The following GCLC variants were observed in gnomAD, a reference collection of about 807,000 sequenced individuals.
GCLC encodes the protein glutamate--cysteine ligase catalytic subunit.
A neutral mutation model predicts 81.5 loss-of-function variants in GCLC; 30 were observed. The ratio of observed to expected loss-of-function variants is 0.37; its 90% confidence interval spans 0.28 to 0.50. GCLC has a LOEUF of 0.50. Among genes scored for constraint, GCLC ranks in the 20% least tolerant of loss-of-function variants. The probability of loss-of-function intolerance (pLI) is 0.96; values close to 1 mark genes in which losing one functional copy is unlikely to be tolerated. For synonymous variants in GCLC, 262 were observed against 273.3 expected (o/e 0.96, Z 0.41); for missense variants, 556 against 777.4 (o/e 0.72, Z 3.39).
intron 12 of GCLC, chr6:53,505,187 C>G: frequency 1.9e-6 from 1 of 540,340 alleles, no homozygotes; most frequent in Non-Finnish European, 3.3e-6. Context: ...AGGACTACTT[C>G]TAGCCATCAA....
chr6:53,542,791 G>C (rs1326989469), intron 1 of GCLC, among the ~76,000 whole-genome samples: 1 of 57,282 alleles, frequency 1.7e-5, no homozygotes, highest in African/African-American at 9.4e-5. Context: ...CGAGGCGGGT[G>C]AAAAGTCAGG....
At position 53,506,266 on chromosome 6, in the gene GCLC, A is replaced by G. The variant is rs949046919; in HGVS notation, c.1198-371T>C. ...GACACTTTCATCTGAGAACCCTGTC[A>G]CATGACAGTTGTTTCCTTTCTTCCT... On this transcript the variant is annotated intron_variant, in intron 10 of 15. Coordinates refer to ENST00000650454, the MANE Select transcript of GCLC (RefSeq NM_001498.4). This position sits in a 1 kb window ranked among gnomAD's most constrained non-coding sequence, Gnocchi z 4.0. 1 of 315,564 alleles carries G rather than the reference A, an allele frequency of 3.2e-6. No homozygotes were observed. The highest frequency in any genetic ancestry group is 6.1e-6 in the Non-Finnish European group (1 of 164,340). 19.5% of individuals were successfully genotyped at this position (315,564 alleles called of 1,614,324 possible).
chr6:53,544,744 G>C lies in GCLC; in HGVS notation c.-99C>G. On this transcript the variant is annotated 5_prime_UTR_variant, in exon 1 of 16. Transcript: ENST00000650454. ...CAGCCGCCCGCAGAAGGCGGCTGCC[G>C]CTCCACCCCGCGGGGGCGCTCTCGG... 8.3e-7 allele frequency: 1 copy of C among 1,206,820 alleles called. No homozygotes were observed. Among genetic ancestry groups the C allele is most frequent in the Non-Finnish European group, 1.1e-6 (1 of 887,088 alleles). The allele number at this position is 1,206,820 out of a possible 1,614,324, so 74.8% of individuals were successfully genotyped here.
chr6:53,533,004 C>T (rs1293244826), intron 1 of GCLC, among the ~76,000 whole-genome samples: 1 of 152,154 alleles, frequency 6.6e-6, no homozygotes, highest in East Asian at 1.9e-4. Context: ...CCAAACTTTC[C>T]AAGTGCCAAT....
At chr6:53,536,256 A>T (rs1763255486) in intron 1 of GCLC, among the ~76,000 whole-genome samples, 1 of 152,238 alleles carries the variant, frequency 6.6e-6, no homozygotes, top group Admixed American at 6.5e-5. Context: ...TAAATATGAA[A>T]ATCTAGAAAA....
At chr6:53,536,475 TG>T (rs1763259226) in intron 1 of GCLC, among the ~76,000 whole-genome samples, 1 of 152,368 alleles carries the variant, frequency 6.6e-6, no homozygotes, top group African/African-American at 2.4e-5. Context: ...GCTGTTAAAA[TG>T]TTTTTTTAAA....
intron 9 of GCLC, 46 bp from the exon 10 acceptor site, chr6:53,507,071 C>T: frequency 9.8e-7 from 1 of 1,020,938 alleles, no homozygotes; most frequent in Non-Finnish European, 1.6e-6. Context: ...GCGAGAGATA[C>T]CACTTCCTCT....
At chr6:53,539,345 T>G (rs927556794) in intron 1 of GCLC, among the ~76,000 whole-genome samples, 18 of 152,200 alleles carry the variant, frequency 1.2e-4, no homozygotes, top group Non-Finnish European at 7.3e-5. Context: ...AGTTAGGACC[T>G]GTCATATTAA....
chr6:53,537,500 G>C (rs1180906182), intron 1 of GCLC, among the ~76,000 whole-genome samples: 2 of 151,978 alleles, frequency 1.3e-5, no homozygotes, highest in Non-Finnish European at 2.9e-5. Context: ...TTTTTGAAGC[G>C]CAACTTAGAA....
intron 1 of GCLC, among the ~76,000 whole-genome samples, chr6:53,542,023 A>G (rs1763366852): frequency 6.6e-6 from 1 of 151,764 alleles, no homozygotes; most frequent in Non-Finnish European, 1.5e-5. Flanking sequence ...ACATGCCACT[A>G]ATTTTTTATT....
In GCLC at chr6:53,514,268, G is replaced by A. The variant is rs1764816593; in HGVS notation, c.689C>T (p.Ala230Val). ...TFTEDDEASR[A>V]SKPDHIYMDA... ...CATGTAAATATGATCCGGCTTAGAA[G>A]CCCTTGAAGCTTCATCATCCTCAGT... Residue 230 changes from alanine to valine, a missense_variant, in exon 6 of 16, where the codon GCT (alanine) becomes GTT (valine). By Grantham distance (64) the Ala-to-Val change is moderately conservative. Coordinates refer to ENST00000650454, the MANE Select transcript of GCLC (RefSeq NM_001498.4). 6.2e-7 allele frequency: 1 copy of A among 1,610,674 alleles called. No individual in the cohort carries two copies.
intron 1 of GCLC, among the ~76,000 whole-genome samples, chr6:53,544,114 A>G (rs1292898393): frequency 6.6e-6 from 1 of 152,202 alleles, no homozygotes; most frequent in African/African-American, 2.4e-5. Context: ...TCTCTTTCAT[A>G]TTGACCGCAA....
At chr6:53,513,728 A>G (rs959495513) in intron 6 of GCLC, 3 of 174,838 alleles carry the variant, frequency 1.7e-5, no homozygotes, top group Admixed American at 5.5e-5. Context: ...CAGGGGCAAG[A>G]CAAACACAAG....
chr6:53,537,748 C>T (rs1024353428), intron 1 of GCLC, among the ~76,000 whole-genome samples: 1 of 151,324 alleles, frequency 6.6e-6, no homozygotes, highest in Non-Finnish European at 1.5e-5. Context: ...TAAAAAAAAA[C>T]CAAAAAACCC....
At position 53,522,485 on chromosome 6, in the gene GCLC, CT is replaced by C. The variant is rs1269042612; in HGVS notation, c.192del (p.Val65SerfsTer37). On this transcript the variant is annotated frameshift_variant, in exon 2 of 16. Coordinates refer to ENST00000650454, the MANE Select transcript of GCLC (RefSeq NM_001498.4). LOFTEE classifies it high-confidence loss of function. ...MLVSFDHENK[K>X]VRLVLSGEKV... Reference sequence around the variant, plus strand: ...TTCTCCCCAGACAGGACCAACCGGACTTTTTTATTTTCATGATCAAAAGATA... The same window carrying C: ...TTCTCCCCAGACAGGACCAACCGGACTTTTTATTTTCATGATCAAAAGATA... The C allele has an allele frequency of 1.9e-6, 3 of 1,612,700 alleles. No individual in the cohort carries two copies. The highest frequency in any genetic ancestry group is 2.5e-6 in the Non-Finnish European group (3 of 1,178,778).
chr6:53,500,542 T>A, intron 12 of GCLC, 29 bp from the exon 13 acceptor site: 1 of 1,471,586 alleles, frequency 6.8e-7, no homozygotes, highest in Non-Finnish European at 9.5e-7. Context: ...CACGACTAAG[T>A]CAAAATATTC....
intron 1 of GCLC, 95 bp from the exon 2 acceptor site, chr6:53,522,622 A>G (rs746358877): frequency 3.6e-4 from 274 of 761,074 alleles, no homozygotes; most frequent in South Asian, 2.4e-3. Flanking sequence ...TGAAGTCTGT[A>G]AAGGATCCAC....
intron 12 of GCLC, among the ~76,000 whole-genome samples, chr6:53,503,533 C>T (rs1441981470): frequency 2.6e-5 from 4 of 152,150 alleles, no homozygotes; most frequent in Admixed American, 1.3e-4. Flanking sequence ...CTTTACCTCT[C>T]GAGATTCTGA....
intron 6 of GCLC, among the ~76,000 whole-genome samples, chr6:53,510,778 A>C (rs1198667246): frequency 1.3e-5 from 2 of 152,212 alleles, no homozygotes; most frequent in Non-Finnish European, 2.9e-5. Flanking sequence ...TGGAGACTCA[A>C]GTTTGCCTGC....
Sources: gnomAD v4.1 joint callset for allele counts (sites outside exome capture counted in the v4.1 genomes callset) on GRCh38, gnomAD v4.1.1 for gene constraint, Gnocchi (gnomAD v3.1) non-coding constraint, MANE v1.5 for transcripts, NCBI Gene and HGNC (gene_info 2026-07-23, HGNC 2026-07-21) for gene names.